DNASE2B: variants seen among roughly 807,000 people sequenced by gnomAD.
DNASE2B encodes the protein deoxyribonuclease 2 beta.
A neutral mutation model predicts 46.0 loss-of-function variants in DNASE2B; 43 were observed. The observed-to-expected ratio is 0.94, with a 90% CI of 0.73 to 1.21. DNASE2B has a LOEUF of 1.21. Among genes scored for constraint, DNASE2B ranks in the 50% most tolerant of loss-of-function variants. DNASE2B has a pLI of 0.00. For synonymous variants in DNASE2B, 156 were observed against 152.5 expected, an observed-to-expected ratio of 1.02 and a Z score of -0.17; for missense variants, 395 against 414.4, an observed-to-expected ratio of 0.95 and a Z score of 0.41.
intron 4 of DNASE2B, among the ~76,000 whole-genome samples, chr1:84,411,960 G>A (rs1000152231): frequency 6.6e-6 from 1 of 152,018 alleles, no homozygotes; most frequent in African/African-American, 2.4e-5. Flanking sequence ...AAAATATATG[G>A]TCTCCAAGGC....
intron 1 of DNASE2B, among the ~76,000 whole-genome samples, 160 bp downstream of exon 1, chr1:84,398,849 G>A (rs1258262387): frequency 6.6e-6 from 1 of 152,170 alleles, no homozygotes; most frequent in Admixed American, 6.5e-5. Context: ...CCAGGCAGGG[G>A]TAGGCTTCTG....
intron 1 of DNASE2B, 48 bp from the exon 2 acceptor site, chr1:84,401,853 G>A: frequency 7.3e-7 from 1 of 1,370,062 alleles, no homozygotes; most frequent in African/African-American, 1.5e-5. Flanking sequence ...ACTGCCACAG[G>A]AAAACAGTCA....
Position 84,414,529 on chromosome 1 carries a change from C to T in DNASE2B, c.747C>T (p.Asp249=), listed in dbSNP as rs749916394. Residue 249 remains aspartate (D), a splice_region_variant and synonymous_variant, in exon 6 of 6, where the codon GAC becomes GAT. Coordinates refer to ENST00000370665, the MANE Select transcript of DNASE2B (RefSeq NM_021233.3). ...TATCTTTCTCCTCCTAAACCCTAGA[C>T]ATCTTTGCAGCCTGGATGGCTCAAC... ...HFAKSDSFLD[D]IFAAWMAQRL... 1 of 1,602,748 alleles carries T rather than the reference C, an allele frequency of 6.2e-7. No homozygotes were observed. The highest frequency in any genetic ancestry group is 2.2e-5 in the East Asian group (1 of 44,806).
intron 2 of DNASE2B, among the ~76,000 whole-genome samples, chr1:84,403,052 G>A (rs2101847933): frequency 6.6e-6 from 1 of 152,304 alleles, no homozygotes; most frequent in South Asian, 2.1e-4. Flanking sequence ...AGCCTTCAGA[G>A]CCAAGCTACA....
intron 5 of DNASE2B, 105 bp downstream of exon 5, chr1:84,412,651 A>T: frequency 8.9e-7 from 1 of 1,127,952 alleles, no homozygotes; most frequent in Non-Finnish European, 1.2e-6. Flanking sequence ...GAGAGATGAA[A>T]AAAGGGAGCA....
chr1:84,404,136 C>A (rs944501932), intron 2 of DNASE2B, among the ~76,000 whole-genome samples: 16 of 152,008 alleles, frequency 1.1e-4, no homozygotes, highest in Admixed American at 5.2e-4. Flanking sequence ...CAGACTGCGT[C>A]TAATATTGAT....
intron 2 of DNASE2B, among the ~76,000 whole-genome samples, chr1:84,403,783 C>T (rs993051678): frequency 1.3e-5 from 2 of 151,716 alleles, no homozygotes; most frequent in African/African-American, 4.8e-5. Context: ...AAGTTAAAAG[C>T]AATCTTTATA....
rs1029728716 is a variant in DNASE2B, at chr1:84,411,143, G to A, written c.547+144G>A. ...ATTCTAATACTGGCTTTGCCATGGT[G>A]AGGTCTTGGGCAGGCTCGCTTACTG... On this transcript the variant is annotated intron_variant, in intron 4 of 5. Transcript: ENST00000370665. The A allele has an allele frequency of 7.6e-6, 8 of 1,058,424 alleles. No individual in the cohort carries two copies. The African/African-American group carries it at 1.3e-4, about 17-fold the overall frequency. 65.6% of individuals were successfully genotyped at this position (1,058,424 alleles called of 1,614,324 possible). A position where few individuals can be genotyped will look rare whatever the true frequency, so the allele number is the denominator to read the frequency against.
chr1:84,410,260 T>C (rs1680565558), intron 3 of DNASE2B, among the ~76,000 whole-genome samples: 1 of 152,252 alleles, frequency 6.6e-6, no homozygotes, highest in African/African-American at 2.4e-5. Context: ...CTAGAGATTT[T>C]TACAAACGTA....
intron 3 of DNASE2B, 25 bp downstream of exon 3, chr1:84,408,543 C>G: frequency 6.3e-7 from 1 of 1,595,604 alleles, no homozygotes; most frequent in Non-Finnish European, 8.5e-7. Flanking sequence ...CTTGGTTTCT[C>G]TTTCCTACTG....
intron 5 of DNASE2B, among the ~76,000 whole-genome samples, chr1:84,412,775 C>T (rs1257675535): frequency 6.6e-6 from 1 of 151,850 alleles, no homozygotes; most frequent in African/African-American, 2.4e-5. Context: ...AACTCAGTCT[C>T]CATCCTCTGC....
intron 5 of DNASE2B, among the ~76,000 whole-genome samples, chr1:84,413,891 T>C (rs1261578938): frequency 2.6e-5 from 4 of 152,200 alleles, no homozygotes; most frequent in Non-Finnish European, 4.4e-5. Context: ...TTCTGACCCT[T>C]CTATCAAACC....
chr1:84,407,253 C>T (rs1680506985), intron 2 of DNASE2B, among the ~76,000 whole-genome samples: 1 of 152,156 alleles, frequency 6.6e-6, no homozygotes, highest in South Asian at 2.1e-4. Flanking sequence ...CAGAATTCCT[C>T]CATGTTGTAC....
chr1:84,414,432 CA>C (rs1285786262), intron 5 of DNASE2B, 95 bp from the exon 6 acceptor site: 5 of 1,047,838 alleles, frequency 4.8e-6, no homozygotes, highest in Non-Finnish European at 6.8e-6. Flanking sequence ...ATCCACATAT[CA>C]GGGGTGAAAG....
At chr1:84,403,217 A>G (rs1408054053) in intron 2 of DNASE2B, among the ~76,000 whole-genome samples, 1 of 152,224 alleles carries the variant, frequency 6.6e-6, no homozygotes, top group Non-Finnish European at 1.5e-5. Flanking sequence ...GCCGGCCCTC[A>G]TGCCGTCAAA....
At chr1:84,410,167 A>G (rs1680563836) in intron 3 of DNASE2B, among the ~76,000 whole-genome samples, 1 of 152,232 alleles carries the variant, frequency 6.6e-6, no homozygotes, top group Non-Finnish European at 1.5e-5. Flanking sequence ...TGTCTGTTTT[A>G]CAAAGTTCTT....
chr1:84,408,331 T>C, intron 2 of DNASE2B, 106 bp from the exon 3 acceptor site: 1 of 1,370,202 alleles, frequency 7.3e-7, no homozygotes, highest in Non-Finnish European at 9.5e-7. Flanking sequence ...ACTTCTCATG[T>C]GTATTAATGA....
intron 2 of DNASE2B, among the ~76,000 whole-genome samples, chr1:84,406,294 G>A (rs667923): frequency 0.19 from 29,023 of 152,044 alleles, 2,864 homozygotes; most frequent in South Asian, 0.24. Flanking sequence ...CCACATCAAC[G>A]AGACTGCTAG....
intron 2 of DNASE2B, among the ~76,000 whole-genome samples, chr1:84,403,840 G>A (rs1294536460): frequency 6.6e-6 from 1 of 151,858 alleles, no homozygotes; most frequent in Non-Finnish European, 1.5e-5. Context: ...AGGCTGCAGT[G>A]CAGTGGCACC....
Sources: gnomAD v4.1 joint callset for allele counts (sites outside exome capture counted in the v4.1 genomes callset) on GRCh38, gnomAD v4.1.1 for gene constraint, MANE v1.5 for transcripts, NCBI Gene and HGNC (gene_info 2026-07-23, HGNC 2026-07-21) for gene names.